The following USP6NL variants were observed in gnomAD, a reference collection of about 807,000 sequenced individuals.
USP6NL encodes USP6 N-terminal like, also known as USP6 N-terminal-like protein.
USP6NL carries 26 observed loss-of-function variants against 61.9 expected under a neutral mutation model. The observed-to-expected ratio is 0.42, with a 90% CI of 0.31 to 0.58. The LOEUF (loss-of-function observed/expected upper bound fraction) is 0.58, where lower values mean the gene tolerates loss of function less well. Ranked by LOEUF, USP6NL falls within the 20% of genes least tolerant of loss-of-function variation. USP6NL has a pLI of 0.16. For missense variants in USP6NL, 1,114 were observed against 1,034.3 expected (o/e 1.08, Z -1.06); for synonymous variants, 432 against 390.1 (o/e 1.11, Z -1.27).
intron 2 of USP6NL, among the ~76,000 whole-genome samples, chr10:11,534,109 C>T (rs897684712): frequency 6.6e-6 from 1 of 152,050 alleles, no homozygotes; most frequent in African/African-American, 2.4e-5. Flanking sequence ...GATATCTGAT[C>T]ACCCTGGCCT....
chr10:11,473,890 A>G (rs1208471992), intron 14 of USP6NL, among the ~76,000 whole-genome samples: 1 of 152,194 alleles, frequency 6.6e-6, no homozygotes, highest in Non-Finnish European at 1.5e-5. Flanking sequence ...AAAAGTCAAG[A>G]TCTTCTGGGT....
At chr10:11,473,486 G>GA (rs372257733) in intron 14 of USP6NL, among the ~76,000 whole-genome samples, 332 of 152,330 alleles carry the variant, frequency 2.2e-3, no homozygotes, top group African/African-American at 7.6e-3. Flanking sequence ...ACCAAGTCGT[G>GA]AAACTTGGCA....
chr10:11,607,889 CAT>C (rs1838759919), intron 1 of USP6NL, among the ~76,000 whole-genome samples: 1 of 152,260 alleles, frequency 6.6e-6, no homozygotes, highest in East Asian at 1.9e-4. Context: ...TTTCTACAGT[CAT>C]ATCAATGTCA....
intron 10 of USP6NL, among the ~76,000 whole-genome samples, chr10:11,486,977 G>A (rs915555069): frequency 6.6e-5 from 10 of 151,698 alleles, no homozygotes; most frequent in Non-Finnish European, 8.8e-5. Context: ...TTTCTAGGGT[G>A]TGTGTAAAAA....
intron 2 of USP6NL, among the ~76,000 whole-genome samples, chr10:11,545,972 C>G (rs1836259411): frequency 6.6e-6 from 1 of 152,208 alleles, no homozygotes; most frequent in Admixed American, 6.5e-5. Context: ...AATAAACTTA[C>G]TGACAAACAG....
At position 11,532,002 on chromosome 10, in the gene USP6NL, A is replaced by T. The variant is rs531463014; in HGVS notation, c.5-4435T>A. Reference sequence around the variant, plus strand: ...CTCCTGAATTATATGCTTTAAAAGCAGGTATTGTATCTTAATGTCACTAAA... The same window carrying T: ...CTCCTGAATTATATGCTTTAAAAGCTGGTATTGTATCTTAATGTCACTAAA... On this transcript the variant is annotated intron_variant, in intron 2 of 14. Transcript: ENST00000609104. This position sits in a 1 kb window ranked among gnomAD's most constrained non-coding sequence, Gnocchi z 4.1. Among the ~76,000 whole-genome samples, 2 of 152,350 alleles carry T rather than the reference A, an allele frequency of 1.3e-5. No individual in the cohort carries two copies. The highest frequency in any genetic ancestry group is 6.5e-5 in the Admixed American group (1 of 15,306).
Position 11,462,294 on chromosome 10 carries a change from G to A in USP6NL, c.*147C>T. ...TAAGCAGCATCTACGTGGGGCTGAA[G>A]ACATTTCCCTGTATTCTTACTACTA... On this transcript the variant is annotated 3_prime_UTR_variant, in exon 15 of 15. Coordinates refer to ENST00000609104, the MANE Select transcript of USP6NL (RefSeq NM_014688.5). The A allele has an allele frequency of 1.0e-6, 1 of 963,510 alleles. No homozygotes were observed. The highest frequency in any genetic ancestry group is 1.5e-6 in the Non-Finnish European group (1 of 669,692). The allele number at this position is 963,510 out of a possible 1,614,324, so 59.7% of individuals were successfully genotyped here. A position where few individuals can be genotyped will look rare whatever the true frequency, so the allele number is the denominator to read the frequency against.
chr10:11,591,645 G>T lies in USP6NL; in HGVS notation c.4+5986C>A, dbSNP rs368251329. ...GAGGTGTGTGTGAGAGAGGGAAAGG[G>T]AGAGGGAGAATCAAATGGACAAAAT... On this transcript the variant is annotated intron_variant, in intron 2 of 14. Coordinates refer to ENST00000609104, the MANE Select transcript of USP6NL (RefSeq NM_014688.5). This position sits in a 1 kb window ranked among gnomAD's most constrained non-coding sequence, Gnocchi z 4.7. 2.8e-4 allele frequency among the ~76,000 whole-genome samples: 43 copies of T among 152,200 alleles called. No individual in the cohort carries two copies. In the East Asian group the frequency reaches 5.0e-3, roughly 18 times the overall value.
intron 2 of USP6NL, among the ~76,000 whole-genome samples, chr10:11,556,830 T>C (rs1226905587): frequency 2.0e-5 from 3 of 152,308 alleles, no homozygotes; most frequent in South Asian, 4.1e-4. Flanking sequence ...TTGTAATACA[T>C]AGAGAGGTCA....
chr10:11,527,275 C>T (rs1239693136), intron 3 of USP6NL, among the ~76,000 whole-genome samples: 1 of 152,112 alleles, frequency 6.6e-6, no homozygotes, highest in Non-Finnish European at 1.5e-5. Flanking sequence ...AGTGCAAAGG[C>T]CCTGAGGCAG....
chr10:11,601,525 T>A (rs1320467396), intron 1 of USP6NL, among the ~76,000 whole-genome samples: 1 of 152,184 alleles, frequency 6.6e-6, no homozygotes, highest in Non-Finnish European at 1.5e-5. Flanking sequence ...ATATTACACA[T>A]AGTCTTTGTA....
intron 6 of USP6NL, among the ~76,000 whole-genome samples, chr10:11,502,152 G>A (rs1035540108): frequency 5.9e-5 from 9 of 151,774 alleles, no homozygotes; most frequent in African/African-American, 1.5e-4. Flanking sequence ...CCAGCTACTC[G>A]GGAGGCTGAG....
intron 2 of USP6NL, among the ~76,000 whole-genome samples, chr10:11,543,404 T>C (rs539055378): frequency 3.3e-5 from 5 of 152,118 alleles, no homozygotes; most frequent in African/African-American, 1.2e-4. Flanking sequence ...TAGCCAGGCA[T>C]GGTGGCAGGC....
In USP6NL at chr10:11,476,508, A is replaced by C. The variant is rs147483449; in HGVS notation, c.1078+5262T>G. ...AAAATGTTTCAACAGCAACTACAAA[A>C]CATACAGAAATAAAATAAAGGTACA... On this transcript the variant is annotated intron_variant, in intron 14 of 14. Transcript: ENST00000609104. The surrounding 1 kb of genome is among the most constrained non-coding windows in gnomAD (Gnocchi z 4.3). 1.5e-3 allele frequency among the ~76,000 whole-genome samples: 221 copies of C among 152,346 alleles called. No homozygotes were observed. Among genetic ancestry groups the C allele is most frequent in the African/African-American group, 5.1e-3 (212 of 41,578 alleles).
At chr10:11,517,430 C>T (rs1167806801) in intron 5 of USP6NL, among the ~76,000 whole-genome samples, 1 of 152,246 alleles carries the variant, frequency 6.6e-6, no homozygotes, top group Non-Finnish European at 1.5e-5. Flanking sequence ...AGCCACCAGT[C>T]GTCTCCTACC....
intron 5 of USP6NL, among the ~76,000 whole-genome samples, chr10:11,512,391 C>T (rs1177764948): frequency 6.6e-6 from 1 of 152,166 alleles, no homozygotes; most frequent in African/African-American, 2.4e-5. Flanking sequence ...GTCCTCTTCC[C>T]CAGTTCAGGT....
At position 11,602,288 on chromosome 10, in the gene USP6NL, C is replaced by T. The variant is rs1838560803; in HGVS notation, c.-83-4571G>A. On this transcript the variant is annotated intron_variant, in intron 1 of 14. Transcript: ENST00000609104. The surrounding 1 kb of genome is among the most constrained non-coding windows in gnomAD (Gnocchi z 4.8). ...CAAGCTACATTTGTTTCCTCAAAGGCTATAACTCAATACTTAAATGATTAA... is the reference window on the plus strand; with the variant it reads ...CAAGCTACATTTGTTTCCTCAAAGGTTATAACTCAATACTTAAATGATTAA... Among the ~76,000 whole-genome samples the T allele has an allele frequency of 6.6e-6, 1 of 152,102 alleles. No individual in the cohort carries two copies. The highest frequency in any genetic ancestry group is 1.5e-5 in the Non-Finnish European group (1 of 68,020).
At position 11,491,159 on chromosome 10, in the gene USP6NL, G is replaced by A. The variant is rs1207138678; in HGVS notation, c.495-279C>T. Among the ~76,000 whole-genome samples, 1 of 152,118 alleles carries A rather than the reference G, an allele frequency of 6.6e-6. No individual in the cohort carries two copies. Among genetic ancestry groups the A allele is most frequent in the East Asian group, 1.9e-4 (1 of 5,200 alleles). On this transcript the variant is annotated intron_variant, in intron 8 of 14. Transcript: ENST00000609104. The surrounding 1 kb of genome is among the most constrained non-coding windows in gnomAD (Gnocchi z 4.7). Reference sequence around the variant, plus strand: ...TTCTTTTGCTGATCTATCTCACTTTGAGACCCTTCTGATAGAAGCAGCTGG... The same window carrying A: ...TTCTTTTGCTGATCTATCTCACTTTAAGACCCTTCTGATAGAAGCAGCTGG...
chr10:11,549,346 G>A (rs952464626), intron 2 of USP6NL, among the ~76,000 whole-genome samples: 3 of 152,072 alleles, frequency 2.0e-5, no homozygotes, highest in Non-Finnish European at 4.4e-5. Context: ...CCAAACAGCA[G>A]GCCTATCTAG....
Sources: gnomAD v4.1 joint callset for allele counts (sites outside exome capture counted in the v4.1 genomes callset) on GRCh38, gnomAD v4.1.1 for gene constraint, Gnocchi (gnomAD v3.1) non-coding constraint, MANE v1.5 for transcripts, NCBI Gene and HGNC (gene_info 2026-07-23, HGNC 2026-07-21) for gene names.